LRCH3: variants seen among roughly 807,000 people sequenced by gnomAD.
LRCH3 encodes the protein leucine rich repeats and calponin homology domain containing 3.
LRCH3 carries 68 observed loss-of-function variants against 104.5 expected under a neutral mutation model. The observed-to-expected ratio is 0.65, with a 90% confidence interval of 0.54 to 0.80. The LOEUF (loss-of-function observed/expected upper bound fraction) is 0.80. Ranked by LOEUF, LRCH3 falls within the 30% of genes least tolerant of loss-of-function variation. The pLI is 0.00. For synonymous variants in LRCH3, 344 were observed against 361.3 expected (o/e 0.95, Z 0.54); for missense variants, 951 against 953.9 (o/e 1.00, Z 0.04).
At chr3:197,861,489 A>G (rs1740874076) in intron 15 of LRCH3, among the ~76,000 whole-genome samples, 1 of 152,218 alleles carries the variant, frequency 6.6e-6, no homozygotes, top group African/African-American at 2.4e-5. Flanking sequence ...CAGACAGACC[A>G]CAGTGTCTTG....
intron 1 of LRCH3, among the ~76,000 whole-genome samples, chr3:197,800,722 T>C (rs1398458278): frequency 6.6e-6 from 1 of 152,210 alleles, no homozygotes; most frequent in Non-Finnish European, 1.5e-5. Context: ...ATGATAAGAC[T>C]GTCCATAGCA....
intron 20 of LRCH3, chr3:197,880,737 T>A (rs1363311444): frequency 4.6e-6 from 7 of 1,536,630 alleles, no homozygotes; most frequent in Non-Finnish European, 6.1e-6. Context: ...CCGGTGACTT[T>A]CTGCCTCATT....
chr3:197,796,836 G>A (rs1472894206), intron 1 of LRCH3, among the ~76,000 whole-genome samples: 1 of 152,158 alleles, frequency 6.6e-6, no homozygotes, highest in Non-Finnish European at 1.5e-5. Context: ...TTGGTTTCCT[G>A]TAATTTCTTT....
intron 19 of LRCH3, 144 bp downstream of exon 19, chr3:197,871,606 T>A (rs1712202240): frequency 1.8e-6 from 2 of 1,110,716 alleles, no homozygotes; most frequent in South Asian, 3.3e-5. Flanking sequence ...TCACTTCTAC[T>A]CGAGAAGAAA....
chr3:197,837,992 G>A (rs1394262009), intron 9 of LRCH3, among the ~76,000 whole-genome samples: 1 of 151,856 alleles, frequency 6.6e-6, no homozygotes, highest in Non-Finnish European at 1.5e-5. Flanking sequence ...CCTGGGCAGC[G>A]GACATTGCAG....
chr3:197,881,489 A>G (rs1325633940), intron 20 of LRCH3: 1 of 985,208 alleles, frequency 1.0e-6, no homozygotes, highest in Admixed American at 6.2e-5. Flanking sequence ...ACTGAGGTTC[A>G]CTCCCAGCAT....
intron 4 of LRCH3, 87 bp downstream of exon 4, chr3:197,820,517 G>A: frequency 2.2e-6 from 2 of 899,858 alleles, no homozygotes; most frequent in Admixed American, 2.2e-5. Context: ...AAATGTATAA[G>A]GGTTACATCT....
intron 18 of LRCH3, among the ~76,000 whole-genome samples, chr3:197,870,617 C>T (rs900852392): frequency 5.9e-5 from 9 of 152,292 alleles, no homozygotes; most frequent in East Asian, 1.9e-4. Flanking sequence ...CCACTGGCCT[C>T]GACCTCCCAC....
At chr3:197,801,188 C>A (rs772792048) in intron 1 of LRCH3, among the ~76,000 whole-genome samples, 4 of 151,568 alleles carry the variant, frequency 2.6e-5, no homozygotes, top group Non-Finnish European at 5.9e-5. Context: ...AAGTGTGAAG[C>A]ATAATATATA....
At chr3:197,839,480 T>C (rs1187190824) in intron 10 of LRCH3, 83 bp downstream of exon 10, 1 of 766,312 alleles carries the variant, frequency 1.3e-6, no homozygotes, top group Non-Finnish European at 2.1e-6. Flanking sequence ...CAGATCTGTG[T>C]GTAATAAAGA....
At chr3:197,792,605 A>ATATATATATAT (rs1553912026) in intron 1 of LRCH3, among the ~76,000 whole-genome samples, 1 of 52,272 alleles carries the variant, frequency 1.9e-5, no homozygotes, top group Admixed American at 2.5e-4. Flanking sequence ...ATATATATAT[A>ATATATATATAT]AAATATACAT....
At chr3:197,842,184 G>A (rs924529910) in intron 10 of LRCH3, among the ~76,000 whole-genome samples, 2 of 152,078 alleles carry the variant, frequency 1.3e-5, no homozygotes, top group African/African-American at 4.8e-5. Flanking sequence ...CCTTGGATAA[G>A]AACTCCATAC....
intron 4 of LRCH3, chr3:197,823,340 T>C (rs1025953150): frequency 6.6e-6 from 1 of 151,934 alleles, no homozygotes; most frequent in Non-Finnish European, 1.5e-5. Flanking sequence ...GACCTCGTGA[T>C]CCGCCTGCCT....
rs1439948372 is a variant in LRCH3 at position 197,854,833 on chromosome 3, T to C, written c.1644+388T>C. 6.6e-6 allele frequency among the ~76,000 whole-genome samples: 1 copy of C among 152,218 alleles called. No individual in the cohort carries two copies. The highest frequency in any genetic ancestry group is 1.5e-5 in the Non-Finnish European group (1 of 68,034). On this transcript the variant is annotated intron_variant, in intron 14 of 20. Transcript: ENST00000425562. This position sits in a 1 kb window ranked among gnomAD's most constrained non-coding sequence, Gnocchi z 4.5. ...ATGACACTGATTGCACAGCTGTATA[T>C]TTGGCATCCAATTTTATGATGTATT...
At position 197,791,272 on chromosome 3, in the gene LRCH3, C is replaced by T. The variant is rs1377537831; in HGVS notation, c.-7C>T. 1 of 1,608,548 alleles carries T rather than the reference C, an allele frequency of 6.2e-7. No homozygotes were observed. Among genetic ancestry groups the T allele is most frequent in the Non-Finnish European group, 8.5e-7 (1 of 1,178,662 alleles). ...AGCTGGCGGGCCCGAGTGTTGTCGG[C>T]TGGGAAATGGCGGCCGCGGGCTTGG... is the stretch of plus-strand genomic sequence containing the variant. On this transcript the variant is annotated 5_prime_UTR_variant, in exon 1 of 21. Transcript: ENST00000425562.
At chr3:197,831,551 G>A (rs1004000711) in intron 7 of LRCH3, among the ~76,000 whole-genome samples, 3 of 151,812 alleles carry the variant, frequency 2.0e-5, no homozygotes, top group African/African-American at 7.3e-5. Flanking sequence ...GTGTTTGTAT[G>A]TCTTGGTGGG....
intron 14 of LRCH3, 70 bp from the exon 15 acceptor site, chr3:197,858,764 A>T (rs1177017205): frequency 8.0e-7 from 1 of 1,245,978 alleles, no homozygotes; most frequent in East Asian, 2.3e-5. Context: ...CACTAGTCAG[A>T]TCTGCCTGCC....
chr3:197,812,927 T>C (rs561338434), intron 1 of LRCH3, among the ~76,000 whole-genome samples: 35 of 152,280 alleles, frequency 2.3e-4, no homozygotes, highest in Non-Finnish European at 4.3e-4. Context: ...TATACTTCCG[T>C]GTTTGATTTT....
At chr3:197,882,917 G>C (rs932117785) in intron 20 of LRCH3, 1 of 985,182 alleles carries the variant, frequency 1.0e-6, no homozygotes, top group Non-Finnish European at 1.2e-6. Context: ...CTGTAATTCA[G>C]ATTTTTAATT....
Sources: allele counts gnomAD v4.1 joint callset (sites outside exome capture counted in the v4.1 genomes callset), GRCh38; gene constraint gnomAD v4.1.1; non-coding constraint Gnocchi (gnomAD v3.1); transcripts MANE v1.5; gene names NCBI Gene and HGNC (gene_info 2026-07-23, HGNC 2026-07-21).